Variants in KLHL29 observed in about 807,000 individuals in gnomAD.
KLHL29 encodes kelch-like protein 29.
KLHL29 carries 21 observed loss-of-function variants against 80.4 expected under a neutral mutation model. The ratio of observed to expected loss-of-function variants is 0.26; its 90% CI spans 0.19 to 0.38. The LOEUF is 0.38. KLHL29 is among the 10% of genes least tolerant of loss of function. The probability of loss-of-function intolerance (pLI) is 1.00; values close to 1 mark genes in which losing one functional copy is unlikely to be tolerated. For synonymous variants in KLHL29, 511 were observed against 526.8 expected, an observed-to-expected ratio of 0.97 and a Z score of 0.41; for missense variants, 867 against 1,223.9, an observed-to-expected ratio of 0.71 and a Z score of 4.35.
intron 1 of KLHL29, among the ~76,000 whole-genome samples, chr2:23,395,306 A>G (rs966117665): frequency 2.0e-5 from 3 of 152,070 alleles, no homozygotes; most frequent in Admixed American, 6.6e-5. Context: ...AACCACCTAC[A>G]TTGGCCGCTG....
chr2:23,602,759 A>G (rs1485907337), intron 3 of KLHL29, among the ~76,000 whole-genome samples: 3 of 151,814 alleles, frequency 2.0e-5, no homozygotes, highest in African/African-American at 7.3e-5. Flanking sequence ...CGACCTCTAC[A>G]TGGGAATATT....
intron 3 of KLHL29, among the ~76,000 whole-genome samples, chr2:23,613,335 G>A (rs1668915545): frequency 6.6e-6 from 1 of 152,088 alleles, no homozygotes; most frequent in African/African-American, 2.4e-5. Context: ...AAGAGAAAAG[G>A]TATAGAAAGA....
At chr2:23,584,221 A>T (rs1298247062) in intron 3 of KLHL29, among the ~76,000 whole-genome samples, 1 of 152,200 alleles carries the variant, frequency 6.6e-6, no homozygotes, top group Non-Finnish European at 1.5e-5. Flanking sequence ...CTGGGTATGA[A>T]ATTAGATGGC....
At chr2:23,572,182 A>G (rs1667732419) in intron 3 of KLHL29, among the ~76,000 whole-genome samples, 1 of 152,158 alleles carries the variant, frequency 6.6e-6, no homozygotes, top group Admixed American at 6.6e-5. Flanking sequence ...GTCACTGGAG[A>G]GCGTCACCCC....
At chr2:23,637,707 C>G (rs894195275) in intron 3 of KLHL29, among the ~76,000 whole-genome samples, 5 of 152,156 alleles carry the variant, frequency 3.3e-5, no homozygotes, top group African/African-American at 1.2e-4. Flanking sequence ...CATCCACACC[C>G]CCTTTCTGTC....
At chr2:23,472,027 A>G (rs1664506803) in intron 1 of KLHL29, among the ~76,000 whole-genome samples, 1 of 151,388 alleles carries the variant, frequency 6.6e-6, no homozygotes, top group South Asian at 2.1e-4. Flanking sequence ...AAGGACAATA[A>G]TGAGTCAAGG....
intron 2 of KLHL29, among the ~76,000 whole-genome samples, chr2:23,501,509 C>G (rs541810692): frequency 3.3e-5 from 5 of 152,030 alleles, no homozygotes; most frequent in Non-Finnish European, 7.4e-5. Context: ...TCACTCAGCC[C>G]GATCATCGAT....
intron 3 of KLHL29, among the ~76,000 whole-genome samples, chr2:23,581,687 G>T (rs867080413): frequency 1.3e-5 from 2 of 151,938 alleles, no homozygotes; most frequent in Non-Finnish European, 2.9e-5. Context: ...AAGTAGCCGG[G>T]CGTGGTAGTG....
At chr2:23,698,297 G>C (rs1672112356) in intron 11 of KLHL29, among the ~76,000 whole-genome samples, 1 of 152,192 alleles carries the variant, frequency 6.6e-6, no homozygotes, top group Non-Finnish European at 1.5e-5. Flanking sequence ...CCTTGCAGGG[G>C]CAGGATGCAG....
In KLHL29 at chr2:23,695,257, C is replaced by T. The variant is rs570091581; in HGVS notation, c.1543-366C>T. Among the ~76,000 whole-genome samples the T allele has an allele frequency of 4.7e-4, 72 of 152,284 alleles. No individual in the cohort carries two copies. The highest frequency in any genetic ancestry group is 7.4e-5 in the Non-Finnish European group (5 of 68,024). On this transcript the variant is annotated intron_variant, in intron 8 of 13. Coordinates refer to ENST00000486442, the MANE Select transcript of KLHL29 (RefSeq NM_052920.2). The surrounding 1 kb of genome is among the most constrained non-coding windows in gnomAD (Gnocchi z 7.6). ...GTCACACTCACAGCTCTTTAATAAT[C>T]GCGTCTTCCTCATTTTAACCCCTCG...
chr2:23,554,367 G>A (rs1013955703), intron 2 of KLHL29, among the ~76,000 whole-genome samples: 1 of 152,166 alleles, frequency 6.6e-6, no homozygotes, highest in Non-Finnish European at 1.5e-5. Flanking sequence ...TTTTCTGATC[G>A]GGGCCGGCCG....
At chr2:23,502,253 G>A (rs562773001) in intron 2 of KLHL29, among the ~76,000 whole-genome samples, 18 of 152,336 alleles carry the variant, frequency 1.2e-4, no homozygotes, top group African/African-American at 3.6e-4. Context: ...TGTGCCCGCC[G>A]AGCAGGAGGA....
chr2:23,398,219 G>A (rs563197281), intron 1 of KLHL29, among the ~76,000 whole-genome samples: 9 of 152,334 alleles, frequency 5.9e-5, no homozygotes, highest in South Asian at 4.1e-4. Flanking sequence ...CCAAGTGTCC[G>A]TCAGTGATGA....
At chr2:23,466,522 T>C (rs1664358911) in intron 1 of KLHL29, among the ~76,000 whole-genome samples, 1 of 152,230 alleles carries the variant, frequency 6.6e-6, no homozygotes, top group South Asian at 2.1e-4. Flanking sequence ...AATATGACCG[T>C]GGGAGAGAAG....
chr2:23,504,184 C>T (rs917316413), intron 2 of KLHL29, among the ~76,000 whole-genome samples: 5 of 152,150 alleles, frequency 3.3e-5, no homozygotes, highest in African/African-American at 7.2e-5. Flanking sequence ...AGTTTTAATA[C>T]GTTCCAGAAG....
chr2:23,536,782 G>A (rs563772619), intron 2 of KLHL29, among the ~76,000 whole-genome samples: 194 of 152,190 alleles, frequency 1.3e-3, no homozygotes, highest in Non-Finnish European at 7.4e-4. Context: ...TTTATGTTCT[G>A]GTTGATGTAG....
chr2:23,467,854 C>T (rs750961061), intron 1 of KLHL29, among the ~76,000 whole-genome samples: 20 of 151,986 alleles, frequency 1.3e-4, no homozygotes, highest in East Asian at 3.9e-4. Context: ...CTCTTGCACA[C>T]GTGATCAGCC....
intron 5 of KLHL29, among the ~76,000 whole-genome samples, chr2:23,646,299 A>G (rs889051624): frequency 1.3e-5 from 2 of 152,334 alleles, no homozygotes; most frequent in Admixed American, 1.3e-4. Context: ...GTGCCTGATG[A>G]CAGAGCACAG....
intron 1 of KLHL29, among the ~76,000 whole-genome samples, chr2:23,411,212 T>C (rs551605091): frequency 2.6e-5 from 4 of 151,976 alleles, no homozygotes; most frequent in Admixed American, 6.6e-5. Flanking sequence ...GGAGGGGCAG[T>C]TCAAGGGAGT....
Sources: allele counts gnomAD v4.1 joint callset (sites outside exome capture counted in the v4.1 genomes callset), GRCh38; gene constraint gnomAD v4.1.1; non-coding constraint Gnocchi (gnomAD v3.1); transcripts MANE v1.5; gene names NCBI Gene and HGNC (gene_info 2026-07-23, HGNC 2026-07-21).